Variants in TTYH2 observed in about 807,000 individuals in gnomAD.
TTYH2 encodes the protein protein tweety homolog 2.
TTYH2 carries 49 observed loss-of-function variants against 68.3 expected under a neutral mutation model. That is an observed-to-expected ratio of 0.72 (90% CI 0.57 to 0.91). The LOEUF is 0.91. Among genes scored for constraint, TTYH2 ranks in the 40% least tolerant of loss-of-function variants. TTYH2 has a pLI of 0.00. For missense variants in TTYH2, 631 were observed against 700.4 expected (o/e 0.90, Z 1.12); for synonymous variants, 272 against 300.8 (o/e 0.90, Z 0.99).
In TTYH2 at chr17:74,215,177, G is replaced by A. The variant is rs2050210442; in HGVS notation, c.129+1461G>A. Among the ~76,000 whole-genome samples, 1 of 149,848 alleles carries A rather than the reference G, an allele frequency of 6.7e-6. No homozygotes were observed. Among genetic ancestry groups the A allele is most frequent in the South Asian group, 2.1e-4 (1 of 4,794 alleles). ...TATGATTTCAGAAACAGCCGTGTGT[G>A]TGTGTGTGTGTGTGTGTGTGTGTGT... On this transcript the variant is annotated intron_variant, in intron 1 of 13. Coordinates refer to ENST00000269346, the MANE Select transcript of TTYH2 (RefSeq NM_032646.6). This position sits in a 1 kb window ranked among gnomAD's most constrained non-coding sequence, Gnocchi z 4.3.
chr17:74,236,787 G>C (rs1598221901), intron 3 of TTYH2, among the ~76,000 whole-genome samples: 1 of 152,156 alleles, frequency 6.6e-6, no homozygotes, highest in African/African-American at 2.4e-5. Context: ...GGACTGGGTG[G>C]GTAGTGGCGG....
rs976510556 is a variant in TTYH2, at chr17:74,233,539, G to A, written c.414+2540G>A. 5.9e-5 allele frequency among the ~76,000 whole-genome samples: 9 copies of A among 152,292 alleles called. No individual in the cohort carries two copies. In the East Asian group the frequency reaches 1.4e-3, roughly 23 times the overall value. Reference sequence around the variant, plus strand: ...GGCAGAGGCAGATGGGGGACTCGTCGACAGGTCAGGCAGGACCTGGATCTG... The same window carrying A: ...GGCAGAGGCAGATGGGGGACTCGTCAACAGGTCAGGCAGGACCTGGATCTG... On this transcript the variant is annotated intron_variant, in intron 3 of 13. Coordinates refer to ENST00000269346, the MANE Select transcript of TTYH2 (RefSeq NM_032646.6).
chr17:74,251,093 GTCTGTGCGTGTGTGGTGTGTT>G (rs56886864), intron 10 of TTYH2, among the ~76,000 whole-genome samples: 62,040 of 150,962 alleles, frequency 0.41, 13,271 homozygotes, highest in African/African-American at 0.52. Flanking sequence ...TGGTGTATAT[GTCTGTGCGTGTGTGGTGTGTT>G]TCTGCGGTTG....
rs781277341 is a variant in TTYH2 at position 74,239,297 on chromosome 17, T to C, written c.635+1783T>C. ...GAGGGCTCCCGGCTGAATGATGGCC[T>C]GGGCTTGTGCTCCCAGGGCCCGGGC... On this transcript the variant is annotated intron_variant, in intron 4 of 13. Coordinates refer to ENST00000269346, the MANE Select transcript of TTYH2 (RefSeq NM_032646.6). This position sits in a 1 kb window ranked among gnomAD's most constrained non-coding sequence, Gnocchi z 5.3. Among the ~76,000 whole-genome samples, 2 of 152,178 alleles carry C rather than the reference T, an allele frequency of 1.3e-5. No homozygotes were observed. The highest frequency in any genetic ancestry group is 2.4e-5 in the African/African-American group (1 of 41,442).
At chr17:74,245,849 A>T (rs998274162) in intron 6 of TTYH2, among the ~76,000 whole-genome samples, 1 of 152,042 alleles carries the variant, frequency 6.6e-6, no homozygotes, top group Non-Finnish European at 1.5e-5. Context: ...GCCTGTTTTG[A>T]CAGCCATGGG....
chr17:74,236,030 T>C (rs1598221497), intron 3 of TTYH2, among the ~76,000 whole-genome samples: 1 of 152,188 alleles, frequency 6.6e-6, no homozygotes, highest in Non-Finnish European at 1.5e-5. Flanking sequence ...TGTTTTTAAC[T>C]GGATGGCCAG....
At position 74,243,501 on chromosome 17, in the gene TTYH2, A is replaced by C. The variant is rs2050523270; in HGVS notation, c.731+32A>C. 1.9e-6 allele frequency: 3 copies of C among 1,604,492 alleles called. No homozygotes were observed. In the African/African-American group the frequency reaches 4.0e-5, roughly 21 times the overall value. On this transcript the variant is annotated intron_variant, in intron 5 of 13. Transcript: ENST00000269346. ...ATCCCTACCCGTGGACCTGGGACAA[A>C]GAGCTGGGCAGGATGCCATCATCAG...
intron 3 of TTYH2, among the ~76,000 whole-genome samples, chr17:74,233,490 G>T (rs1382601937): frequency 6.6e-6 from 1 of 152,190 alleles, no homozygotes; most frequent in Non-Finnish European, 1.5e-5. Flanking sequence ...TCAGCGGGAG[G>T]CTGGGATCCA....
chr17:74,213,784 C>G lies in TTYH2; in HGVS notation c.129+68C>G. On this transcript the variant is annotated intron_variant, in intron 1 of 13. Transcript: ENST00000269346. This position sits in a 1 kb window ranked among gnomAD's most constrained non-coding sequence, Gnocchi z 6.1. ...GTCCCCGCACTACCCCCTCTCCCCT[C>G]GAGAGCCTGCACTTTCCCACGTGCC... 6.4e-7 allele frequency: 1 copy of G among 1,559,606 alleles called. No individual in the cohort carries two copies. The highest frequency in any genetic ancestry group is 8.7e-7 in the Non-Finnish European group (1 of 1,148,482).
rs2050456201 is a variant in TTYH2 at position 74,237,514 on chromosome 17, G to A, written c.635G>A (p.Arg212Lys). ...SDQTGYVEYY[R>K]WLSYLLLFIL... ...CAGACTGGCTACGTGGAGTACTACA[G>A]GTGAAGGACCGGTGGGAGGCAGAGG... Residue 212 changes from arginine to lysine, a missense_variant and splice_region_variant, in exon 4 of 14, where the codon AGG (arginine) becomes AAG (lysine). Coordinates refer to ENST00000269346, the MANE Select transcript of TTYH2 (RefSeq NM_032646.6). 3.1e-6 allele frequency: 5 copies of A among 1,601,828 alleles called. No homozygotes were observed. The highest frequency in any genetic ancestry group is 4.3e-6 in the Non-Finnish European group (5 of 1,170,756).
intron 1 of TTYH2, among the ~76,000 whole-genome samples, chr17:74,221,202 C>T (rs967948042): frequency 4.6e-5 from 7 of 152,184 alleles, no homozygotes; most frequent in African/African-American, 1.2e-4. Context: ...GTCTGTCAGC[C>T]AAGAGTGACC....
At chr17:74,226,807 AC>A (rs1406848354) in intron 2 of TTYH2, among the ~76,000 whole-genome samples, 1 of 152,104 alleles carries the variant, frequency 6.6e-6, no homozygotes, top group Non-Finnish European at 1.5e-5. Context: ...GTGTGAACAC[AC>A]CAGGGGGAAA....
At chr17:74,226,118 A>G (rs144947092) in intron 2 of TTYH2, among the ~76,000 whole-genome samples, 9 of 152,338 alleles carry the variant, frequency 5.9e-5, no homozygotes, top group African/African-American at 1.7e-4. Flanking sequence ...AGAGAAGCAG[A>G]CAGTCAGTTT....
chr17:74,236,825 G>C (rs947179578), intron 3 of TTYH2, among the ~76,000 whole-genome samples: 2 of 152,050 alleles, frequency 1.3e-5, no homozygotes, highest in African/African-American at 4.8e-5. Flanking sequence ...TCCTCCAGGG[G>C]CACAGGCTCG....
At chr17:74,248,669 C>T (rs1316310973) in intron 6 of TTYH2, 30 of 1,169,484 alleles carry the variant, frequency 2.6e-5, no homozygotes, top group Non-Finnish European at 2.9e-5. Context: ...TGCTGGCCCC[C>T]AAAGGTCTGT....
Position 74,241,352 on chromosome 17 carries a change from A to G in TTYH2, c.636-2022A>G, listed in dbSNP as rs1344443098. Among the ~76,000 whole-genome samples the G allele has an allele frequency of 1.3e-5, 2 of 151,334 alleles. No individual in the cohort carries two copies. The highest frequency in any genetic ancestry group is 4.9e-5 in the African/African-American group (2 of 41,122). On this transcript the variant is annotated intron_variant, in intron 4 of 13. Transcript: ENST00000269346. The surrounding 1 kb of genome is among the most constrained non-coding windows in gnomAD (Gnocchi z 4.1). The stretch of plus-strand genomic sequence containing the variant: ...CTAGATGGTTTGCGAGGTTCCTTCC[A>G]GCTCTGAGCTAAGTCTAAGGAAACT...
At chr17:74,254,783 G>C (rs1311304653) in intron 13 of TTYH2, among the ~76,000 whole-genome samples, 1 of 152,240 alleles carries the variant, frequency 6.6e-6, no homozygotes, top group East Asian at 1.9e-4. Context: ...TTTTGCTCCA[G>C]AGAAAATTAA....
At chr17:74,245,974 A>G (rs1185264222) in intron 6 of TTYH2, among the ~76,000 whole-genome samples, 1 of 150,694 alleles carries the variant, frequency 6.6e-6, no homozygotes, top group African/African-American at 2.4e-5. Flanking sequence ...TGGGTGAGGC[A>G]GGGAGAGGAG....
chr17:74,252,149 G>T, intron 10 of TTYH2, 85 bp from the exon 11 acceptor site: 1 of 1,566,798 alleles, frequency 6.4e-7, no homozygotes. Context: ...CCAGGCTCGG[G>T]GGAGAGGGAC....
Sources: allele counts gnomAD v4.1 joint callset (sites outside exome capture counted in the v4.1 genomes callset), GRCh38; gene constraint gnomAD v4.1.1; non-coding constraint Gnocchi (gnomAD v3.1); transcripts MANE v1.5; gene names NCBI Gene and HGNC (gene_info 2026-07-23, HGNC 2026-07-21).